The following LRP1B variants were observed in gnomAD, a reference collection of about 807,000 sequenced individuals.
LRP1B encodes the protein LDL receptor related protein 1B, also known as low-density lipoprotein receptor-related protein 1B.
LRP1B carries 217 observed loss-of-function variants against 556.6 expected under a neutral mutation model. The ratio of observed to expected loss-of-function variants is 0.39; its 90% CI spans 0.35 to 0.44. LRP1B has a LOEUF of 0.44. Among genes scored for constraint, LRP1B ranks in the 20% least tolerant of loss-of-function variants. The pLI, the probability that LRP1B is intolerant of heterozygous loss-of-function variation, is 1.00. For missense variants in LRP1B, 5,053 were observed against 5,620.8 expected, an observed-to-expected ratio of 0.90 and a Z score of 3.23; for synonymous variants, 2,047 against 1,865.8, an observed-to-expected ratio of 1.10 and a Z score of -2.50.
At chr2:141,924,051 G>C (rs113943517) in intron 1 of LRP1B, among the ~76,000 whole-genome samples, 28 of 152,106 alleles carry the variant, frequency 1.8e-4, no homozygotes, top group African/African-American at 6.0e-4. Flanking sequence ...CTCAAGTCTG[G>C]AGGCCTGCAG....
intron 41 of LRP1B, among the ~76,000 whole-genome samples, chr2:140,605,974 T>C (rs1682853465): frequency 6.6e-6 from 1 of 151,864 alleles, no homozygotes; most frequent in Non-Finnish European, 1.5e-5. Flanking sequence ...TTTATTCAAC[T>C]AATGTTGACT....
chr2:141,392,799 T>C (rs1429912833), intron 3 of LRP1B, among the ~76,000 whole-genome samples: 1 of 152,190 alleles, frequency 6.6e-6, no homozygotes, highest in Admixed American at 6.6e-5. Flanking sequence ...TCTTTCAATC[T>C]GTCGAGTCAT....
Position 140,958,409 on chromosome 2 carries a change from T to C in LRP1B, c.2888-6469A>G, listed in dbSNP as rs187036718. 3.2e-3 allele frequency among the ~76,000 whole-genome samples: 480 copies of C among 151,766 alleles called. 3 individuals carry two copies. The highest frequency in any genetic ancestry group is 5.6e-3 in the Non-Finnish European group (378 of 67,632). On this transcript the variant is annotated intron_variant, in intron 18 of 90. Coordinates refer to ENST00000389484, the MANE Select transcript of LRP1B (RefSeq NM_018557.3). ...ACATTCAGAAATGAAAACTGTAGTT[T>C]TGGAATTACAAACCGCATGAACAAG...
intron 2 of LRP1B, among the ~76,000 whole-genome samples, chr2:141,651,476 C>T (rs571962257): frequency 4.6e-5 from 7 of 152,100 alleles, no homozygotes; most frequent in East Asian, 1.9e-4. Context: ...TCAGCCTGGC[C>T]GACATGGTGA....
chr2:141,770,392 A>G (rs1694863548), intron 2 of LRP1B, among the ~76,000 whole-genome samples: 1 of 152,148 alleles, frequency 6.6e-6, no homozygotes, highest in South Asian at 2.1e-4. Context: ...ACATGAGAAT[A>G]TTTCTTGTAT....
At chr2:140,914,241 T>C (rs542629843) in intron 21 of LRP1B, among the ~76,000 whole-genome samples, 1 of 151,740 alleles carries the variant, frequency 6.6e-6, no homozygotes, top group East Asian at 1.9e-4. Context: ...AGGATCTGAG[T>C]GAGAGATAAT....
chr2:141,084,120 C>T (rs1284656553), intron 7 of LRP1B, among the ~76,000 whole-genome samples: 1 of 152,006 alleles, frequency 6.6e-6, no homozygotes, highest in East Asian at 1.9e-4. Flanking sequence ...GAGTACCTGG[C>T]ATTTGAATAA....
intron 1 of LRP1B, among the ~76,000 whole-genome samples, chr2:142,040,645 T>C (rs1434877602): frequency 6.7e-6 from 1 of 149,932 alleles, no homozygotes; most frequent in Non-Finnish European, 1.5e-5. Context: ...TTTTAATAGC[T>C]AGTTCAGTTT....
chr2:141,918,336 C>A (rs971937663), intron 1 of LRP1B, among the ~76,000 whole-genome samples: 3 of 151,832 alleles, frequency 2.0e-5, no homozygotes, highest in Admixed American at 2.0e-4. Context: ...ATACTGTGCA[C>A]GGTTGTATAG....
At chr2:140,303,307 G>A (rs1346322545) in intron 83 of LRP1B, among the ~76,000 whole-genome samples, 5 of 151,876 alleles carry the variant, frequency 3.3e-5, no homozygotes, top group Non-Finnish European at 1.5e-5. Context: ...GAGTGCAGTG[G>A]CACAGTCTTG....
intron 23 of LRP1B, among the ~76,000 whole-genome samples, chr2:140,888,993 T>C (rs1693723247): frequency 6.7e-6 from 1 of 148,592 alleles, no homozygotes; most frequent in Non-Finnish European, 1.5e-5. Flanking sequence ...TGAAATGATA[T>C]ATAAGCATTA....
intron 2 of LRP1B, among the ~76,000 whole-genome samples, chr2:141,624,030 ATTAAAC>A (rs367692307): frequency 2.8e-4 from 9 of 31,818 alleles, no homozygotes; most frequent in Admixed American, 4.5e-4. Flanking sequence ...AAAAAAAAAA[ATTAAAC>A]AAAAAAAAAA....
intron 41 of LRP1B, among the ~76,000 whole-genome samples, chr2:140,668,778 G>A (rs1210302029): frequency 1.3e-5 from 2 of 152,172 alleles, no homozygotes; most frequent in East Asian, 3.9e-4. Context: ...AAAAACTAGG[G>A]CAAATGGTGA....
intron 1 of LRP1B, among the ~76,000 whole-genome samples, chr2:141,936,504 G>A (rs1460003881): frequency 1.3e-5 from 2 of 152,152 alleles, no homozygotes; most frequent in East Asian, 3.9e-4. Flanking sequence ...GCCAAGGAGA[G>A]AGGCCGCCGA....
intron 1 of LRP1B, among the ~76,000 whole-genome samples, chr2:141,996,790 T>C (rs1341024721): frequency 2.7e-5 from 4 of 150,658 alleles, no homozygotes; most frequent in African/African-American, 7.3e-5. Context: ...GTGAATTCCT[T>C]TGGGGTTTTT....
At chr2:141,911,521 A>C (rs996942857) in intron 1 of LRP1B, among the ~76,000 whole-genome samples, 3 of 152,162 alleles carry the variant, frequency 2.0e-5, no homozygotes, top group Non-Finnish European at 4.4e-5. Context: ...TTTTGAAAAA[A>C]TATATCCCAA....
chr2:141,182,546 T>C (rs937368386), intron 7 of LRP1B, among the ~76,000 whole-genome samples: 7 of 152,010 alleles, frequency 4.6e-5, no homozygotes, highest in South Asian at 2.1e-4. Context: ...GTTTTTTTTT[T>C]CCAAAGAAAC....
intron 2 of LRP1B, among the ~76,000 whole-genome samples, chr2:141,497,753 C>A (rs770708554): frequency 6.6e-6 from 1 of 151,818 alleles, no homozygotes; most frequent in Non-Finnish European, 1.5e-5. Context: ...TGATAAATTA[C>A]AAAATCCTGA....
At chr2:141,256,336 A>C (rs1341408973) in intron 3 of LRP1B, among the ~76,000 whole-genome samples, 2 of 151,986 alleles carry the variant, frequency 1.3e-5, no homozygotes, top group Non-Finnish European at 2.9e-5. Flanking sequence ...AACAATAACG[A>C]ACGCTGCATT....
Sources: allele counts gnomAD v4.1 joint callset (sites outside exome capture counted in the v4.1 genomes callset), GRCh38; gene constraint gnomAD v4.1.1; transcripts MANE v1.5; gene names NCBI Gene and HGNC (gene_info 2026-07-23, HGNC 2026-07-21).